KSR2: variants seen among roughly 807,000 people sequenced by gnomAD.
The protein encoded by KSR2 is kinase suppressor of ras 2.
Under a neutral mutation model 107.8 loss-of-function variants are expected in KSR2, and 25 were observed. The ratio of observed to expected loss-of-function variants is 0.23; its 90% CI spans 0.17 to 0.32. The LOEUF is 0.32. KSR2 is among the 10% of genes least tolerant of loss of function. The pLI, the probability that KSR2 is intolerant of heterozygous loss-of-function variation, is 1.00. For synonymous variants in KSR2, 480 were observed against 507.0 expected, an observed-to-expected ratio of 0.95 and a Z score of 0.71; for missense variants, 887 against 1,268.9, an observed-to-expected ratio of 0.70 and a Z score of 4.57.
chr12:117,810,171 T>C (rs949300487), intron 3 of KSR2, among the ~76,000 whole-genome samples: 2 of 152,204 alleles, frequency 1.3e-5, no homozygotes, highest in Non-Finnish European at 2.9e-5. Flanking sequence ...TTTGTTTGTT[T>C]TGTTTTTTTG....
intron 5 of KSR2, among the ~76,000 whole-genome samples, chr12:117,656,544 G>T (rs1020609949): frequency 3.3e-5 from 5 of 152,208 alleles, no homozygotes; most frequent in Admixed American, 1.3e-4. Flanking sequence ...AACCCAGGAG[G>T]TGGAGGCTGT....
chr12:117,960,192 A>C (rs368204493), intron 1 of KSR2, among the ~76,000 whole-genome samples: 7 of 152,162 alleles, frequency 4.6e-5, no homozygotes, highest in African/African-American at 1.4e-4. Context: ...TAAAACCTCC[A>C]TGAAAGAGCC....
intron 5 of KSR2, among the ~76,000 whole-genome samples, chr12:117,617,882 G>C (rs968440815): frequency 2.3e-4 from 35 of 152,164 alleles, no homozygotes; most frequent in African/African-American, 7.7e-4. Flanking sequence ...GAGTTGAGGA[G>C]ATAGCTCCCA....
chr12:117,510,488 C>G (rs1006026891), intron 14 of KSR2, among the ~76,000 whole-genome samples: 1 of 152,168 alleles, frequency 6.6e-6, no homozygotes, highest in South Asian at 2.1e-4. Context: ...ACATCTAACT[C>G]CATACCCAAT....
At chr12:117,817,094 T>C (rs766538127) in intron 3 of KSR2, among the ~76,000 whole-genome samples, 55 of 152,164 alleles carry the variant, frequency 3.6e-4, no homozygotes, top group Non-Finnish European at 7.4e-4. Context: ...GAATATCCTT[T>C]TGCCAAATCT....
At chr12:117,487,910 C>A (rs576830784) in intron 14 of KSR2, among the ~76,000 whole-genome samples, 1 of 152,226 alleles carries the variant, frequency 6.6e-6, no homozygotes, top group Admixed American at 6.5e-5. Flanking sequence ...AATATACATA[C>A]AAATAACCCT....
chr12:117,967,193 C>G (rs1285283525), intron 1 of KSR2, among the ~76,000 whole-genome samples: 1 of 119,908 alleles, frequency 8.3e-6, no homozygotes, highest in Non-Finnish European at 1.7e-5. Flanking sequence ...CTGCCATCTT[C>G]TTTCTGAGTA....
At chr12:117,785,133 G>A (rs1269394934) in intron 3 of KSR2, among the ~76,000 whole-genome samples, 1 of 152,168 alleles carries the variant, frequency 6.6e-6, no homozygotes, top group Non-Finnish European at 1.5e-5. Context: ...GCAATCAACA[G>A]GCTGGGCATG....
intron 1 of KSR2, among the ~76,000 whole-genome samples, chr12:117,966,677 CCTCT>C (rs1231943015): frequency 1.9e-4 from 27 of 145,582 alleles, no homozygotes; most frequent in Non-Finnish European, 1.1e-4. Flanking sequence ...TCTCTCCCTC[CCTCT>C]CTTTCTCCCT....
At chr12:117,825,705 CA>C (rs940169107) in intron 3 of KSR2, among the ~76,000 whole-genome samples, 3 of 152,068 alleles carry the variant, frequency 2.0e-5, no homozygotes, top group African/African-American at 7.2e-5. Flanking sequence ...GTTCAGTCCA[CA>C]AAGGCAGGAG....
intron 3 of KSR2, among the ~76,000 whole-genome samples, chr12:117,805,215 T>C (rs1374249): frequency 0.64 from 96,939 of 152,142 alleles, 32,978 homozygotes; most frequent in African/African-American, 0.88. Flanking sequence ...TCTTGTTAAA[T>C]GCTAATCTCC....
At chr12:117,581,833 T>C (rs114404288) in intron 6 of KSR2, among the ~76,000 whole-genome samples, 1 of 152,106 alleles carries the variant, frequency 6.6e-6, no homozygotes, top group Admixed American at 6.5e-5. Context: ...GACCAAAAAT[T>C]AGGACATAAA....
At chr12:117,553,780 G>C (rs1566608) in intron 9 of KSR2, among the ~76,000 whole-genome samples, 53,348 of 151,512 alleles carry the variant, frequency 0.35, 9,740 homozygotes, top group Non-Finnish European at 0.4. Context: ...ATTCCTGCTA[G>C]AGCTGGTTGT....
At chr12:117,855,613 C>G (rs1362392436) in intron 2 of KSR2, 35 bp from the exon 3 acceptor site, 1 of 1,610,616 alleles carries the variant, frequency 6.2e-7, no homozygotes, top group South Asian at 1.1e-5. Flanking sequence ...AACCGTGGGG[C>G]AGGAACAGCA....
intron 3 of KSR2, among the ~76,000 whole-genome samples, chr12:117,833,100 T>C (rs1892044655): frequency 6.6e-6 from 1 of 152,192 alleles, no homozygotes; most frequent in Admixed American, 6.5e-5. Flanking sequence ...CTGAGCACAA[T>C]GCTGGCTTTG....
At chr12:117,762,086 C>T (rs1018139455) in intron 3 of KSR2, among the ~76,000 whole-genome samples, 2 of 152,224 alleles carry the variant, frequency 1.3e-5, no homozygotes, top group African/African-American at 4.8e-5. Context: ...AACAGCCTTG[C>T]CTTCCACTGC....
At position 117,960,066 on chromosome 12, in the gene KSR2, T is replaced by C. The variant is rs994453759; in HGVS notation, c.180+8010A>G. ...CTGCTCTCCAACCACAGTGGACTCC[T>C]TGGGGTTCCAATAACATGCCAAGCA... is the stretch of plus-strand genomic sequence containing the variant. On this transcript the variant is annotated intron_variant, in intron 1 of 19. Coordinates refer to ENST00000339824, the MANE Select transcript of KSR2 (RefSeq NM_173598.6). 9.9e-5 allele frequency among the ~76,000 whole-genome samples: 15 copies of C among 152,180 alleles called. 1 individual carries two copies. The highest frequency in any genetic ancestry group is 3.6e-4 in the African/African-American group (15 of 41,452).
At chr12:117,702,185 C>A (rs1371458525) in intron 4 of KSR2, among the ~76,000 whole-genome samples, 1 of 152,178 alleles carries the variant, frequency 6.6e-6, no homozygotes, top group Non-Finnish European at 1.5e-5. Flanking sequence ...ATCCTCCTTC[C>A]CCTCAGTAAG....
chr12:117,956,458 C>T (rs1032765711), intron 1 of KSR2, among the ~76,000 whole-genome samples: 1 of 151,046 alleles, frequency 6.6e-6, no homozygotes, highest in African/African-American at 2.4e-5. Flanking sequence ...GTCCCAGTTA[C>T]TTGGGAAGCT....
Sources: gnomAD v4.1 joint callset for allele counts (sites outside exome capture counted in the v4.1 genomes callset) on GRCh38, gnomAD v4.1.1 for gene constraint, MANE v1.5 for transcripts, NCBI Gene and HGNC (gene_info 2026-07-23, HGNC 2026-07-21) for gene names.